The following FN1 variants were observed in gnomAD, a reference collection of about 807,000 sequenced individuals.
FN1 encodes the protein fibronectin.
FN1 carries 106 observed loss-of-function variants against 297.3 expected under a neutral mutation model. The observed-to-expected ratio is 0.36, with a 90% CI of 0.30 to 0.42. FN1 has a LOEUF of 0.42. Among genes scored for constraint, FN1 ranks in the 10% least tolerant of loss-of-function variants. The pLI, the probability that FN1 is intolerant of heterozygous loss-of-function variation, is 1.00. For missense variants in FN1, 2,690 were observed against 3,124.9 expected, an observed-to-expected ratio of 0.86 and a Z score of 3.32; for synonymous variants, 1,149 against 1,152.6, an observed-to-expected ratio of 1.00 and a Z score of 0.06.
In FN1 at chr2:215,425,075, T is replaced by C; in HGVS notation, c.1036+19A>G. The C allele has an allele frequency of 6.2e-7, 1 of 1,610,198 alleles. No individual in the cohort carries two copies. Among genetic ancestry groups the C allele is most frequent in the Non-Finnish European group, 8.5e-7 (1 of 1,176,390 alleles). On this transcript the variant is annotated intron_variant, in intron 7 of 45. Coordinates refer to ENST00000354785, the MANE Select transcript of FN1 (RefSeq NM_212482.4). The stretch of plus-strand genomic sequence containing the variant: ...ATAATAAAGTCATCAGTCCTATTCT[T>C]CAAAAAGATAATGCATACCTGTCTC...
At chr2:215,397,067 C>A in intron 23 of FN1, 70 bp downstream of exon 23, 3 of 1,002,894 alleles carry the variant, frequency 3.0e-6, no homozygotes, top group Non-Finnish European at 4.8e-6. Flanking sequence ...CTGAAAGAAA[C>A]ACAGTTTCTA....
At chr2:215,381,166 A>G (rs1044241220) in intron 32 of FN1, 86 bp from the exon 33 acceptor site, 2 of 1,365,190 alleles carry the variant, frequency 1.5e-6, no homozygotes, top group Non-Finnish European at 2.1e-6. Flanking sequence ...AGTTTTGCAG[A>G]TACCATTTTC....
rs1447204526 is a variant in FN1 at position 215,408,441 on chromosome 2, G to T, written c.2300-15C>A. The T allele has an allele frequency of 6.2e-7, 1 of 1,613,776 alleles. No individual in the cohort carries two copies. The highest frequency in any genetic ancestry group is 1.3e-5 in the African/African-American group (1 of 75,002). ...GCTTGGAAGATCTTTGAAATGAAAA[G>T]AAAAGGTAACTAATCAGAGCAAACT... On this transcript the variant is annotated splice_polypyrimidine_tract_variant and intron_variant, in intron 15 of 45. Coordinates refer to ENST00000354785, the MANE Select transcript of FN1 (RefSeq NM_212482.4).
At chr2:215,418,575 T>C (rs2063753462) in intron 12 of FN1, among the ~76,000 whole-genome samples, 1 of 152,218 alleles carries the variant, frequency 6.6e-6, no homozygotes, top group African/African-American at 2.4e-5. Context: ...TTAACATGTT[T>C]TATTATAATC....
intron 44 of FN1, 123 bp from the exon 45 acceptor site, chr2:215,362,202 A>G: frequency 2.8e-6 from 2 of 724,938 alleles, no homozygotes; most frequent in East Asian, 5.3e-5. Context: ...GCAGTTAATC[A>G]CTAAGCAAGC....
chr2:215,398,838 T>G (rs1163981566), intron 21 of FN1, among the ~76,000 whole-genome samples: 2 of 152,172 alleles, frequency 1.3e-5, no homozygotes. Context: ...TGAAACTGAT[T>G]GGATGAAAAT....
chr2:215,402,314 T>G (rs2061263334), intron 20 of FN1, among the ~76,000 whole-genome samples: 1 of 152,102 alleles, frequency 6.6e-6, no homozygotes, highest in Non-Finnish European at 1.5e-5. Flanking sequence ...AGGATGTGAT[T>G]CTAAGTGTGA....
At chr2:215,402,036 G>A (rs2061237160) in intron 20 of FN1, among the ~76,000 whole-genome samples, 1 of 152,076 alleles carries the variant, frequency 6.6e-6, no homozygotes, top group African/African-American at 2.4e-5. Context: ...GTGCCAAAAT[G>A]CCATGGCCAG....
In FN1 at chr2:215,397,168, G is replaced by A. The variant is rs2060394479; in HGVS notation, c.3573C>T (p.Leu1191=). Residue 1191 remains leucine (L), a synonymous_variant, in exon 23 of 46, where the codon CTC becomes CTT. Transcript: ENST00000354785. The part of the protein sequence containing the change: ...HLEANPDTGV[L]TVSWERSTTP... ...TGGTGCTCCTCTCCCAGGAGACTGT[G>A]AGCACTCCAGTGTCAGGGTTTGCCT... 6.2e-7 allele frequency: 1 copy of A among 1,613,868 alleles called. No homozygotes were observed.
At position 215,397,230 on chromosome 2, in the gene FN1, AG is replaced by A; in HGVS notation, c.3518-8del. The stretch of plus-strand genomic sequence containing the variant: ...TTTGTTGGTGGAGACAATGCTATGC[AG>A]AAAGAACATTTTAAAAGTCAAAGCT... On this transcript the variant is annotated splice_region_variant and splice_polypyrimidine_tract_variant and intron_variant, in intron 22 of 45. Transcript: ENST00000354785. 2.5e-6 allele frequency: 4 copies of A among 1,605,060 alleles called. No individual in the cohort carries two copies. The highest frequency in any genetic ancestry group is 3.4e-6 in the Non-Finnish European group (4 of 1,171,752).
chr2:215,370,541 AAAAAACAAAAAAC>A (rs1181252853), intron 40 of FN1, 109 bp from the exon 41 acceptor site: 107 of 461,608 alleles, frequency 2.3e-4, no homozygotes, highest in South Asian at 7.4e-4. Context: ...AAAGGAAGAC[AAAAAACAAAAAAC>A]AAAAAAAAAA....
At chr2:215,389,240 A>C (rs1411277903) in intron 26 of FN1, among the ~76,000 whole-genome samples, 1 of 151,974 alleles carries the variant, frequency 6.6e-6, no homozygotes, top group Non-Finnish European at 1.5e-5. Flanking sequence ...AGTAGCTGGG[A>C]TTACAGGTGC....
At chr2:215,381,312 T>A in intron 32 of FN1, 1 of 565,124 alleles carries the variant, frequency 1.8e-6, no homozygotes, top group Non-Finnish European at 3.2e-6. Context: ...GCAGATACCC[T>A]GCAAAATGTC....
chr2:215,372,423 AG>A (rs1188898586), intron 39 of FN1, 48 bp from the exon 40 acceptor site: 1 of 1,319,726 alleles, frequency 7.6e-7, no homozygotes, highest in South Asian at 1.2e-5. Flanking sequence ...ATTAAGCTCC[AG>A]GAAGTAGCAG....
chr2:215,407,942 C>T (rs1217849460), intron 17 of FN1, among the ~76,000 whole-genome samples, 166 bp downstream of exon 17: 1 of 13,678 alleles, frequency 7.3e-5, no homozygotes, highest in African/African-American at 1.6e-4. Flanking sequence ...GAAAATAACT[C>T]CCCCACCCCC....
At chr2:215,384,306 A>G in intron 29 of FN1, 122 bp from the exon 30 acceptor site, 1 of 966,058 alleles carries the variant, frequency 1.0e-6, no homozygotes, top group South Asian at 1.4e-5. Context: ...ATTCCCTTTT[A>G]AAGAGCGCTA....
chr2:215,417,052 T>C (rs933010378), intron 12 of FN1, among the ~76,000 whole-genome samples: 10 of 152,258 alleles, frequency 6.6e-5, no homozygotes, highest in Non-Finnish European at 1.2e-4. Flanking sequence ...TAAATTCCTA[T>C]ATTCTAGCTT....
intron 33 of FN1, 32 bp downstream of exon 33, chr2:215,380,779 A>T: frequency 6.2e-7 from 1 of 1,611,988 alleles, no homozygotes; most frequent in Non-Finnish European, 8.5e-7. Context: ...CGCTGCTCCC[A>T]TGGGCACCTG....
Position 215,380,664 on chromosome 2 carries a change from C to A in FN1, c.5434+147G>T, listed in dbSNP as rs889043829. ...AAATATCACCTAAGTTTTATTGTTT[C>A]TTACCATTCCTCTTTAAAGAGGATC... On this transcript the variant is annotated intron_variant, in intron 33 of 45. Transcript: ENST00000354785. The A allele has an allele frequency of 4.7e-6, 5 of 1,064,892 alleles. No individual in the cohort carries two copies. In the African/African-American group the frequency reaches 7.8e-5, roughly 17 times the overall value. The allele number at this position is 1,064,892 out of a possible 1,614,324, so 66.0% of individuals were successfully genotyped here.
Sources: gnomAD v4.1 joint callset for allele counts (sites outside exome capture counted in the v4.1 genomes callset) on GRCh38, gnomAD v4.1.1 for gene constraint, MANE v1.5 for transcripts, NCBI Gene and HGNC (gene_info 2026-07-23, HGNC 2026-07-21) for gene names.